The following MAP2K4 variants were observed in gnomAD, a reference collection of about 807,000 sequenced individuals.
The protein encoded by MAP2K4 is dual specificity mitogen-activated protein kinase kinase 4.
A neutral mutation model predicts 48.5 loss-of-function variants in MAP2K4; 4 were observed. The observed-to-expected ratio is 0.08, with a 90% confidence interval of 0.04 to 0.19. The LOEUF (loss-of-function observed/expected upper bound fraction) is 0.19, where lower values mean the gene tolerates loss of function less well. MAP2K4 is among the 10% of genes least tolerant of loss of function. The probability of loss-of-function intolerance (pLI) is 1.00; values close to 1 mark genes in which losing one functional copy is unlikely to be tolerated. For synonymous variants in MAP2K4, 166 were observed against 173.1 expected (o/e 0.96, Z 0.32); for missense variants, 258 against 493.3 (o/e 0.52, Z 4.52).
At chr17:12,091,034 G>C (rs1971544140) in intron 3 of MAP2K4, among the ~76,000 whole-genome samples, 1 of 152,190 alleles carries the variant, frequency 6.6e-6, no homozygotes, top group African/African-American at 2.4e-5. Context: ...TATGAGGCTG[G>C]AGAATTGTGT....
At chr17:12,074,168 TA>T (rs1970918744) in intron 2 of MAP2K4, among the ~76,000 whole-genome samples, 1 of 152,218 alleles carries the variant, frequency 6.6e-6, no homozygotes, top group African/African-American at 2.4e-5. Context: ...TTCGTTTTTT[TA>T]ATATATGGAA....
intron 4 of MAP2K4, among the ~76,000 whole-genome samples, chr17:12,099,536 G>A (rs995712870): frequency 6.6e-6 from 1 of 152,080 alleles, no homozygotes; most frequent in Non-Finnish European, 1.5e-5. Flanking sequence ...ACTGAAGTTG[G>A]TAACTTCTAT....
chr17:12,116,674 G>T (rs1597484029), intron 7 of MAP2K4, among the ~76,000 whole-genome samples: 1 of 151,962 alleles, frequency 6.6e-6, no homozygotes, highest in African/African-American at 2.4e-5. Flanking sequence ...CTATACATGG[G>T]CGCGATCAAT....
At chr17:12,040,446 T>G (rs1043796212) in intron 1 of MAP2K4, among the ~76,000 whole-genome samples, 4 of 152,216 alleles carry the variant, frequency 2.6e-5, no homozygotes, top group African/African-American at 9.6e-5. Flanking sequence ...AAAAACTGGA[T>G]ACTTGTCCTT....
chr17:12,131,445 C>T (rs1973019679), intron 9 of MAP2K4, among the ~76,000 whole-genome samples: 1 of 151,760 alleles, frequency 6.6e-6, no homozygotes, highest in Non-Finnish European at 1.5e-5. Context: ...ACAGTTTTCA[C>T]CATGTTGGCC....
At chr17:12,072,707 A>G (rs1045806026) in intron 2 of MAP2K4, among the ~76,000 whole-genome samples, 12 of 152,214 alleles carry the variant, frequency 7.9e-5, no homozygotes, top group Middle Eastern at 3.2e-3. Context: ...AGTATAAGGT[A>G]CTCATGAATA....
chr17:12,108,002 A>G (rs1295203399), intron 5 of MAP2K4, 93 bp downstream of exon 5: 1 of 1,134,632 alleles, frequency 8.8e-7, no homozygotes, highest in African/African-American at 1.6e-5. Context: ...TGTCACTCAC[A>G]GTACCTTCCT....
At chr17:12,055,215 C>A (rs1037238662) in intron 2 of MAP2K4, among the ~76,000 whole-genome samples, 3 of 152,066 alleles carry the variant, frequency 2.0e-5, no homozygotes, top group African/African-American at 7.2e-5. Flanking sequence ...CACTTAGTGA[C>A]AAAATAGAGT....
intron 8 of MAP2K4, among the ~76,000 whole-genome samples, chr17:12,125,784 G>A (rs1972833675): frequency 6.6e-6 from 1 of 152,160 alleles, no homozygotes; most frequent in Non-Finnish European, 1.5e-5. Context: ...TTAAGTATAC[G>A]TATTTTTATA....
chr17:12,050,962 CTG>C (rs1361129366), intron 1 of MAP2K4, among the ~76,000 whole-genome samples: 1 of 152,142 alleles, frequency 6.6e-6, no homozygotes, highest in East Asian at 1.9e-4. Flanking sequence ...GAGGAAGACA[CTG>C]TGTGCCGATG....
At chr17:12,049,944 T>C (rs1423599973) in intron 1 of MAP2K4, among the ~76,000 whole-genome samples, 1 of 152,180 alleles carries the variant, frequency 6.6e-6, no homozygotes, top group Non-Finnish European at 1.5e-5. Context: ...GAGGCAGCTA[T>C]TGTAGATCCT....
chr17:12,059,598 A>C (rs534210147), intron 2 of MAP2K4, among the ~76,000 whole-genome samples: 14 of 152,208 alleles, frequency 9.2e-5, no homozygotes, highest in Non-Finnish European at 2.1e-4. Flanking sequence ...TTTGGGGCTT[A>C]AGAGTTTTGG....
intron 1 of MAP2K4, among the ~76,000 whole-genome samples, chr17:12,024,497 T>C (rs950386566): frequency 2.0e-4 from 30 of 152,196 alleles, no homozygotes; most frequent in African/African-American, 7.2e-4. Flanking sequence ...ACCCAACCTT[T>C]ATACGTTGAG....
intron 2 of MAP2K4, among the ~76,000 whole-genome samples, chr17:12,069,412 A>G (rs140765277): frequency 2.0e-5 from 3 of 152,296 alleles, no homozygotes; most frequent in African/African-American, 7.2e-5. Context: ...GAAACAGTCA[A>G]TAGCAACATG....
intron 1 of MAP2K4, among the ~76,000 whole-genome samples, chr17:12,045,888 C>A (rs978510297): frequency 1.3e-5 from 2 of 152,176 alleles, no homozygotes; most frequent in Non-Finnish European, 2.9e-5. Context: ...CACAAATGCC[C>A]TTTGGATTTG....
chr17:12,062,985 A>G (rs1251789976), intron 2 of MAP2K4, among the ~76,000 whole-genome samples: 1 of 151,418 alleles, frequency 6.6e-6, no homozygotes, highest in Non-Finnish European at 1.5e-5. Context: ...GACTCTTTCA[A>G]TCTAGAAACC....
intron 4 of MAP2K4, among the ~76,000 whole-genome samples, chr17:12,101,268 G>A (rs1439299475): frequency 6.6e-6 from 1 of 151,278 alleles, no homozygotes; most frequent in African/African-American, 2.4e-5. Context: ...TTTTTTGCAT[G>A]TGGATATCCT....
intron 4 of MAP2K4, among the ~76,000 whole-genome samples, chr17:12,102,503 T>TG (rs1971967120): frequency 6.6e-6 from 1 of 152,168 alleles, no homozygotes; most frequent in East Asian, 1.9e-4. Context: ...TTCTTATTTT[T>TG]GTCTGACTTG....
In MAP2K4 at chr17:12,143,531, T is replaced by C. The variant is rs1973441149; in HGVS notation, c.*2271T>C. 1 of 231,314 alleles carries C rather than the reference T, an allele frequency of 4.3e-6. No individual in the cohort carries two copies. The highest frequency in any genetic ancestry group is 8.6e-6 in the Non-Finnish European group (1 of 116,696). 14.3% of individuals were successfully genotyped at this position (231,314 alleles called of 1,614,324 possible). A position where few individuals can be genotyped will look rare whatever the true frequency, so the allele number is the denominator to read the frequency against. Reference sequence around the variant, plus strand: ...TGTATAAAAATTATCAAAAAGCTAATGTGCAGGGATATTGCCTTATTTGTC... The same window carrying C: ...TGTATAAAAATTATCAAAAAGCTAACGTGCAGGGATATTGCCTTATTTGTC... On this transcript the variant is annotated 3_prime_UTR_variant, in exon 11 of 11. Transcript: ENST00000353533.
Sources: allele counts gnomAD v4.1 joint callset (sites outside exome capture counted in the v4.1 genomes callset), GRCh38; gene constraint gnomAD v4.1.1; transcripts MANE v1.5; gene names NCBI Gene and HGNC (gene_info 2026-07-23, HGNC 2026-07-21).